FANCA: variants seen among roughly 807,000 people sequenced by gnomAD.
FANCA encodes the protein FA complementation group A, also known as Fanconi anemia group A protein.
A neutral mutation model predicts 194.3 loss-of-function variants in FANCA; 236 were observed. The ratio of observed to expected loss-of-function variants is 1.21; its 90% CI spans 1.09 to 1.35. FANCA has a LOEUF of 1.35. Among genes scored for constraint, FANCA ranks in the 40% most tolerant of loss-of-function variants. The probability of loss-of-function intolerance (pLI) is 0.00; values close to 1 mark genes in which losing one functional copy is unlikely to be tolerated. For missense variants in FANCA, 2,628 were observed against 1,813.9 expected (o/e 1.45, Z -8.15); for synonymous variants, 1,014 against 715.8 (o/e 1.42, Z -6.65).
intron 1 of FANCA, 80 bp from the exon 2 acceptor site, chr16:89,816,066 GCGGAGAAACCCACCA>G: frequency 2.8e-6 from 3 of 1,073,428 alleles, no homozygotes; most frequent in Non-Finnish European, 4.3e-6. Flanking sequence ...GGTGGACGCC[GCGGAGAAACCCACCA>G]GCGACACCCT....
intron 36 of FANCA, among the ~76,000 whole-genome samples, chr16:89,743,755 G>A (rs903110972): frequency 2.6e-5 from 4 of 152,056 alleles, no homozygotes; most frequent in African/African-American, 7.2e-5. Flanking sequence ...CCTGGGAGGC[G>A]GAGGTCATGG....
At chr16:89,751,712 C>T (rs545046422) in intron 31 of FANCA, among the ~76,000 whole-genome samples, 9 of 152,212 alleles carry the variant, frequency 5.9e-5, no homozygotes, top group African/African-American at 2.2e-4. Flanking sequence ...TTCAGGTGAT[C>T]CACCAGCCTC....
In FANCA at chr16:89,738,010, G is replaced by C; in HGVS notation, c.*591C>G. Reference sequence around the variant, plus strand: ...CTGTGGGTTCCAGTGCAGGCAGCGGGCATCCCTCAAGTACCACATGACCAA... The same window carrying C: ...CTGTGGGTTCCAGTGCAGGCAGCGGCCATCCCTCAAGTACCACATGACCAA... On this transcript the variant is annotated 3_prime_UTR_variant, in exon 43 of 43. Coordinates refer to ENST00000389301, the MANE Select transcript of FANCA (RefSeq NM_000135.4). 1 of 1,614,148 alleles carries C rather than the reference G, an allele frequency of 6.2e-7. No homozygotes were observed. The highest frequency in any genetic ancestry group is 8.5e-7 in the Non-Finnish European group (1 of 1,180,042).
intron 30 of FANCA, among the ~76,000 whole-genome samples, chr16:89,752,542 T>C (rs1468289139): frequency 6.6e-6 from 1 of 152,248 alleles, no homozygotes; most frequent in Non-Finnish European, 1.5e-5. Context: ...AGAATAGTTA[T>C]ACCAGATATA....
chr16:89,814,840 C>G (rs1455144767), intron 2 of FANCA, among the ~76,000 whole-genome samples: 3 of 151,996 alleles, frequency 2.0e-5, no homozygotes, highest in African/African-American at 7.3e-5. Context: ...ACTCGGGAGG[C>G]TGAGACGGGA....
intron 13 of FANCA, 141 bp downstream of exon 13, chr16:89,791,786 C>G: frequency 1.8e-6 from 2 of 1,129,674 alleles, no homozygotes; most frequent in South Asian, 1.3e-5. Context: ...AAAGAATGTT[C>G]CATCGACAGG....
In FANCA at chr16:89,771,698, G is replaced by T; in HGVS notation, c.2131C>A (p.Leu711Met). 1 of 1,614,214 alleles carries T rather than the reference G, an allele frequency of 6.2e-7. No homozygotes were observed. The highest frequency in any genetic ancestry group is 8.5e-7 in the Non-Finnish European group (1 of 1,180,034). ...KIQLSINTPR[L>M]EPREHMAVDL... ...CCTACCATGTGTTCCCGTGGCTCCAGTCTCGGCGTGTTGATGCTGAGCTGA... is the reference window on the plus strand; with the variant it reads ...CCTACCATGTGTTCCCGTGGCTCCATTCTCGGCGTGTTGATGCTGAGCTGA... Residue 711 changes from leucine (L) to methionine (M), a missense_variant, in exon 23 of 43, where the codon CTG becomes ATG. By Grantham distance (15) the Leu-to-Met change is conservative. Coordinates refer to ENST00000389301, the MANE Select transcript of FANCA (RefSeq NM_000135.4).
At chr16:89,810,404 A>G (rs547472799) in intron 5 of FANCA, among the ~76,000 whole-genome samples, 1 of 151,878 alleles carries the variant, frequency 6.6e-6, no homozygotes, top group Non-Finnish European at 1.5e-5. Flanking sequence ...TTTTTTTTTA[A>G]TAGTTTACTA....
intron 31 of FANCA, among the ~76,000 whole-genome samples, chr16:89,750,984 C>A (rs371902878): frequency 6.6e-6 from 1 of 152,142 alleles, no homozygotes; most frequent in Non-Finnish European, 1.5e-5. Context: ...CCTTGACTCT[C>A]GAGCTCAGCT....
At chr16:89,745,990 GAA>G (rs1237193576) in intron 35 of FANCA, among the ~76,000 whole-genome samples, 1 of 152,314 alleles carries the variant, frequency 6.6e-6, no homozygotes, top group African/African-American at 2.4e-5. Flanking sequence ...GTGCTGCGGA[GAA>G]AAAGGCCCTC....
chr16:89,767,108 C>G, intron 27 of FANCA, 33 bp downstream of exon 27: 3 of 1,526,182 alleles, frequency 2.0e-6, no homozygotes, highest in Non-Finnish European at 2.7e-6. Context: ...AAACGTATGG[C>G]AGAATGGAAA....
chr16:89,799,120 ACAC>A, intron 10 of FANCA, 43 bp downstream of exon 10: 1 of 1,614,148 alleles, frequency 6.2e-7, no homozygotes, highest in Non-Finnish European at 8.5e-7. Context: ...AATTTGGCAG[ACAC>A]CTCCCTGCTG....
At chr16:89,773,520 GTC>G (rs2039396286) in intron 21 of FANCA, 136 bp from the exon 22 acceptor site, 3 of 695,728 alleles carry the variant, frequency 4.3e-6, no homozygotes, top group South Asian at 1.5e-5. Context: ...GGGACTGGGA[GTC>G]TCTGAGGAGG....
intron 21 of FANCA, among the ~76,000 whole-genome samples, 186 bp from the exon 22 acceptor site, chr16:89,773,570 G>C (rs928393317): frequency 6.6e-6 from 1 of 151,886 alleles, no homozygotes; most frequent in Non-Finnish European, 1.5e-5. Flanking sequence ...ATGCCACATC[G>C]AAAATTACAA....
intron 6 of FANCA, among the ~76,000 whole-genome samples, chr16:89,805,683 A>T (rs1368738436): frequency 6.6e-6 from 1 of 151,764 alleles, no homozygotes; most frequent in African/African-American, 2.4e-5. Context: ...ACAATCTCCC[A>T]CCTTGCCCTC....
At chr16:89,746,031 G>A (rs1177778128) in intron 35 of FANCA, among the ~76,000 whole-genome samples, 2 of 152,148 alleles carry the variant, frequency 1.3e-5, no homozygotes. Context: ...AAGGAAGGGC[G>A]ACAGCTGTGG....
At chr16:89,796,139 G>C (rs188560819) in intron 10 of FANCA, 121 bp from the exon 11 acceptor site, 1 of 767,158 alleles carries the variant, frequency 1.3e-6, no homozygotes, top group African/African-American at 1.7e-5. Context: ...GGGCTTTCTT[G>C]GCCAGGCCAC....
chr16:89,797,604 G>A (rs986315328), intron 10 of FANCA, among the ~76,000 whole-genome samples: 1 of 152,080 alleles, frequency 6.6e-6, no homozygotes, highest in Admixed American at 6.5e-5. Context: ...CAGGCCAGGT[G>A]CGGTGGCTCA....
intron 10 of FANCA, chr16:89,798,742 G>A: frequency 7.4e-7 from 1 of 1,357,698 alleles, no homozygotes; most frequent in South Asian, 1.5e-5. Context: ...AGGATCTGTG[G>A]AGGCCAGGCA....
Sources: allele counts gnomAD v4.1 joint callset (sites outside exome capture counted in the v4.1 genomes callset), GRCh38; gene constraint gnomAD v4.1.1; transcripts MANE v1.5; gene names NCBI Gene and HGNC (gene_info 2026-07-23, HGNC 2026-07-21).